SYNJ2: variants seen among roughly 807,000 people sequenced by gnomAD.
The protein encoded by SYNJ2 is polyphosphatidylinositol phosphatase SYNJ2.
In SYNJ2, 116 loss-of-function variants were observed where a neutral mutation model predicts 141.3. The observed-to-expected ratio is 0.82, with a 90% CI of 0.71 to 0.96. The LOEUF is 0.96. Ranked by LOEUF, SYNJ2 falls within the 40% of genes least tolerant of loss-of-function variation. SYNJ2 has a pLI of 0.00. For synonymous variants in SYNJ2, 745 were observed against 777.7 expected (o/e 0.96, Z 0.70); for missense variants, 1,873 against 1,934.8 (o/e 0.97, Z 0.60).
rs1320136399 is a variant in SYNJ2, at chr6:158,083,534, A to T, written c.2971A>T (p.Thr991Ser). The stretch of plus-strand genomic sequence containing the variant: ...AGACAGCATGGCCCCCGTGTCTCCC[A>T]CTGCCAACTCCTGTTTGCTGGAGGA... Reference protein sequence around the residue: ...KRDSMAPVSPTANSCLLEENF... With the variant: ...KRDSMAPVSPSANSCLLEENF... Residue 991 changes from threonine (T) to serine (S), a missense_variant, in exon 21 of 27, where the codon ACT (threonine) becomes TCT (serine). Thr to Ser is a moderately conservative substitution (Grantham distance 58). Transcript: ENST00000355585. The T allele has an allele frequency of 6.2e-7, 1 of 1,614,178 alleles. No homozygotes were observed. The highest frequency in any genetic ancestry group is 1.7e-5 in the Admixed American group (1 of 60,022).
chr6:157,995,349 G>C (rs1777599417), intron 1 of SYNJ2, among the ~76,000 whole-genome samples: 2 of 152,104 alleles, frequency 1.3e-5, no homozygotes, highest in African/African-American at 2.4e-5. Context: ...GACTTGAGGG[G>C]TGCTCCTATT....
At chr6:158,052,000 A>G (rs1780598085) in intron 5 of SYNJ2, among the ~76,000 whole-genome samples, 1 of 151,972 alleles carries the variant, frequency 6.6e-6, no homozygotes, top group Non-Finnish European at 1.5e-5. Context: ...AAAGAAAAGG[A>G]AACCTTCTCC....
intron 16 of SYNJ2, among the ~76,000 whole-genome samples, chr6:158,076,126 T>A (rs1738897475): frequency 6.6e-6 from 1 of 152,168 alleles, no homozygotes. Flanking sequence ...AGGTTGAAGC[T>A]GTAGGGAGCC....
chr6:158,089,523 G>GA (rs1783293277), intron 24 of SYNJ2, among the ~76,000 whole-genome samples: 1 of 152,180 alleles, frequency 6.6e-6, no homozygotes, highest in Admixed American at 6.5e-5. Context: ...TGGGACCATG[G>GA]AAAGAGTGGC....
chr6:158,036,199 T>C (rs537590080), intron 4 of SYNJ2, among the ~76,000 whole-genome samples: 1 of 152,302 alleles, frequency 6.6e-6, no homozygotes, highest in East Asian at 1.9e-4. Context: ...CACACAATAA[T>C]GGCTATTGTT....
At chr6:158,053,942 A>C (rs530793522) in intron 5 of SYNJ2, among the ~76,000 whole-genome samples, 1 of 147,738 alleles carries the variant, frequency 6.8e-6, no homozygotes, top group East Asian at 2.0e-4. Context: ...CCACCTTTCT[A>C]TCCATCCACT....
intron 20 of SYNJ2, among the ~76,000 whole-genome samples, chr6:158,082,840 G>C (rs905382937): frequency 6.6e-6 from 1 of 152,216 alleles, no homozygotes; most frequent in Non-Finnish European, 1.5e-5. Context: ...TCTCTTTAGA[G>C]TATGTATTTT....
At position 158,043,253 on chromosome 6, in the gene SYNJ2, C is replaced by A. The variant is rs899767843; in HGVS notation, c.712-63C>A. The A allele has an allele frequency of 1.3e-6, 2 of 1,489,116 alleles. No homozygotes were observed. The highest frequency in any genetic ancestry group is 1.4e-5 in the African/African-American group (1 of 72,618). 92.2% of individuals were successfully genotyped at this position (1,489,116 alleles called of 1,614,324 possible). A position where few individuals can be genotyped will look rare whatever the true frequency, so the allele number is the denominator to read the frequency against. On this transcript the variant is annotated intron_variant, in intron 4 of 26. Coordinates refer to ENST00000355585, the MANE Select transcript of SYNJ2 (RefSeq NM_003898.4). The surrounding 1 kb of genome is among the most constrained non-coding windows in gnomAD (Gnocchi z 4.0). ...GTCACAGGTGGCCGGATCCCGTTAC[C>A]CAGCCCAGGACGTTCGGTTTCATTG... is the stretch of plus-strand genomic sequence containing the variant.
Position 158,076,926 on chromosome 6 carries a change from C to T in SYNJ2, c.2449+144C>T, listed in dbSNP as rs1782335367. The T allele has an allele frequency of 3.9e-6, 4 of 1,031,820 alleles. No individual in the cohort carries two copies. In the Admixed American group the frequency reaches 1.2e-4, roughly 31 times the overall value. 63.9% of individuals were successfully genotyped at this position (1,031,820 alleles called of 1,614,324 possible). A position where few individuals can be genotyped will look rare whatever the true frequency, so the allele number is the denominator to read the frequency against. On this transcript the variant is annotated intron_variant, in intron 17 of 26. Coordinates refer to ENST00000355585, the MANE Select transcript of SYNJ2 (RefSeq NM_003898.4). ...AGATGACACAAAAGTCATCCCAGACCTTAACCCCTAAGCTTTGGAAGTTGT... is the reference window on the plus strand; with the variant it reads ...AGATGACACAAAAGTCATCCCAGACTTTAACCCCTAAGCTTTGGAAGTTGT...
At chr6:158,004,745 G>T (rs1315492631) in intron 1 of SYNJ2, among the ~76,000 whole-genome samples, 3 of 152,104 alleles carry the variant, frequency 2.0e-5, no homozygotes, top group Non-Finnish European at 2.9e-5. Flanking sequence ...CTCTCTCGGG[G>T]TCTGGATCGG....
chr6:158,019,681 C>T (rs759141093), intron 2 of SYNJ2, among the ~76,000 whole-genome samples: 1 of 152,224 alleles, frequency 6.6e-6, no homozygotes, highest in Non-Finnish European at 1.5e-5. Flanking sequence ...CAGCCCTGCT[C>T]CGAGGCTTTG....
In SYNJ2 at chr6:158,095,771, A is replaced by G. The variant is rs759108669; in HGVS notation, c.3898A>G (p.Arg1300Gly). ...ATTTCAGCCTGGGAAAGCTGCAGAG[A>G]GGCCAAGCCACAGGAAGCCAGCATC... Reference protein sequence around the residue: ...RTFQPGKAAERPSHRKPASDE... With the variant: ...RTFQPGKAAEGPSHRKPASDE... The change falls in exon 27 of 27, where the codon AGG becomes GGG. Residue 1300 changes from arginine to glycine, a missense_variant. Coordinates refer to ENST00000355585, the MANE Select transcript of SYNJ2 (RefSeq NM_003898.4). The G allele has an allele frequency of 4.3e-6, 7 of 1,614,034 alleles. No homozygotes were observed. The East Asian group carries it at 1.6e-4, about 36-fold the overall frequency.
chr6:158,037,820 C>G (rs1373845411), intron 4 of SYNJ2, among the ~76,000 whole-genome samples: 3 of 152,254 alleles, frequency 2.0e-5, no homozygotes, highest in African/African-American at 7.2e-5. Flanking sequence ...TCACCCTGGG[C>G]CGCGGATGCT....
rs758632484 is a variant in SYNJ2, at chr6:158,078,157, C to G, written c.2450-7C>G. 2.5e-6 allele frequency: 4 copies of G among 1,584,442 alleles called. No individual in the cohort carries two copies. Among genetic ancestry groups the G allele is most frequent in the Non-Finnish European group, 3.5e-6 (4 of 1,153,982 alleles). On this transcript the variant is annotated splice_region_variant and splice_polypyrimidine_tract_variant and intron_variant, in intron 17 of 26. Coordinates refer to ENST00000355585, the MANE Select transcript of SYNJ2 (RefSeq NM_003898.4). ...ATGGGTCTCTCGAATGGAACCCCTG[C>G]GAGTAGCTGGAGAACTCAACCTTCT...
intron 25 of SYNJ2, among the ~76,000 whole-genome samples, chr6:158,090,534 T>TC (rs1370757308): frequency 7.0e-6 from 1 of 143,092 alleles, no homozygotes; most frequent in Non-Finnish European, 1.5e-5. Flanking sequence ...TTCTTCGTTT[T>TC]TTTTTTTGTT....
chr6:158,045,097 TCC>T (rs1166801384), intron 5 of SYNJ2, among the ~76,000 whole-genome samples: 2 of 142,054 alleles, frequency 1.4e-5, no homozygotes, highest in Non-Finnish European at 3.1e-5. Flanking sequence ...TCAGGGGTCC[TCC>T]TTTTTTTTTT....
chr6:158,073,293 G>A (rs1408075150), intron 15 of SYNJ2, among the ~76,000 whole-genome samples: 1 of 151,820 alleles, frequency 6.6e-6, no homozygotes, highest in African/African-American at 2.4e-5. Context: ...CACCTCCCAG[G>A]TTCAAGCAAT....
intron 2 of SYNJ2, among the ~76,000 whole-genome samples, chr6:158,018,412 A>C (rs1778586261): frequency 6.6e-6 from 1 of 152,168 alleles, no homozygotes; most frequent in South Asian, 2.1e-4. Context: ...TGAGATGGGA[A>C]TGGCTGTATG....
Position 158,079,937 on chromosome 6 carries a change from GA to G in SYNJ2, c.2568-1165del, listed in dbSNP as rs542049217. Among the ~76,000 whole-genome samples, 63 of 152,196 alleles carry G rather than the reference GA, an allele frequency of 4.1e-4. 1 individual carries two copies. In the East Asian group the frequency reaches 0.011, roughly 27 times the overall value. On this transcript the variant is annotated intron_variant, in intron 18 of 26. Coordinates refer to ENST00000355585, the MANE Select transcript of SYNJ2 (RefSeq NM_003898.4). ...ATAAACAAACATGTGTGCTATGAAA[GA>G]AAAAAAGTAGTGGCAGGAGTCAGGC... is the stretch of plus-strand genomic sequence containing the variant.
Sources: allele counts gnomAD v4.1 joint callset (sites outside exome capture counted in the v4.1 genomes callset), GRCh38; gene constraint gnomAD v4.1.1; non-coding constraint Gnocchi (gnomAD v3.1); transcripts MANE v1.5; gene names NCBI Gene and HGNC (gene_info 2026-07-23, HGNC 2026-07-21).